XRCC5: variants seen among roughly 807,000 people sequenced by gnomAD.
XRCC5 encodes the protein X-ray repair cross complementing 5.
Under a neutral mutation model 95.7 loss-of-function variants are expected in XRCC5, and 12 were observed. That is an observed-to-expected ratio of 0.13 (90% CI 0.08 to 0.20). The LOEUF is 0.20. Among genes scored for constraint, XRCC5 ranks in the 10% least tolerant of loss-of-function variants. XRCC5 has a pLI of 1.00. For synonymous variants in XRCC5, 281 were observed against 290.3 expected, an observed-to-expected ratio of 0.97 and a Z score of 0.33; for missense variants, 595 against 873.9, an observed-to-expected ratio of 0.68 and a Z score of 4.02.
intron 16 of XRCC5, chr2:216,175,759 C>T: frequency 2.2e-6 from 1 of 452,068 alleles, no homozygotes; most frequent in Non-Finnish European, 4.2e-6. Flanking sequence ...ATTGCTGTGT[C>T]CACCTCTTCA....
intron 19 of XRCC5, among the ~76,000 whole-genome samples, chr2:216,200,996 A>T (rs1559265684): frequency 6.6e-6 from 1 of 152,166 alleles, no homozygotes; most frequent in South Asian, 2.1e-4. Flanking sequence ...ACCATAATGA[A>T]TTTTTTCATA....
intron 1 of XRCC5, among the ~76,000 whole-genome samples, chr2:216,110,131 C>G (rs1696560629): frequency 6.6e-6 from 1 of 152,166 alleles, no homozygotes; most frequent in African/African-American, 2.4e-5. Context: ...TGGTGAAATC[C>G]GGATTTGAAT....
At chr2:216,130,603 T>TG in intron 8 of XRCC5, 1 of 271,716 alleles carries the variant, frequency 3.7e-6, no homozygotes, top group East Asian at 7.1e-5. Context: ...TCTTTTAGGC[T>TG]GGGTAATCAT....
At chr2:216,204,522 G>A in intron 20 of XRCC5, 126 bp downstream of exon 20, 1 of 939,660 alleles carries the variant, frequency 1.1e-6, no homozygotes, top group South Asian at 1.5e-5. Flanking sequence ...TACACCAGAA[G>A]CTTCCTACAC....
intron 13 of XRCC5, among the ~76,000 whole-genome samples, chr2:216,145,362 C>T (rs776466284): frequency 6.6e-6 from 1 of 152,144 alleles, no homozygotes; most frequent in Non-Finnish European, 1.5e-5. Context: ...GAAAATATAT[C>T]TTGTCAAGTA....
rs1689937751 is a variant in XRCC5 at position 216,206,042 on chromosome 2, G to GAC, written c.*840_*841insAC. 1 of 152,122 alleles carries GAC rather than the reference G, an allele frequency of 6.6e-6. No individual in the cohort carries two copies. Among genetic ancestry groups the GAC allele is most frequent in the East Asian group, 1.9e-4 (1 of 5,202 alleles). The allele number at this position is 152,122 out of a possible 1,614,324, so 9.4% of individuals were successfully genotyped here. The stretch of plus-strand genomic sequence containing the variant: ...TATTAAAACACTTAGGTAACTTTTC[G>GAC]GTCTTTCCCATTTCTACCTAAGTCA... On this transcript the variant is annotated 3_prime_UTR_variant, in exon 21 of 21. Coordinates refer to ENST00000392132, the MANE Select transcript of XRCC5 (RefSeq NM_021141.4).
chr2:216,190,318 G>A lies in XRCC5; in HGVS notation c.1928G>A (p.Arg643Gln), dbSNP rs148944487. The change falls in exon 17 of 21, where the codon CGG becomes CAG. Residue 643 changes from arginine (R) to glutamine (Q), a missense_variant. Arg to Gln is a conservative substitution (Grantham distance 43). Coordinates refer to ENST00000392132, the MANE Select transcript of XRCC5 (RefSeq NM_021141.4). ...MKSIDCIRAF[R>Q]EEAIKFSEEQ... ...AGCATAGACTGCATCCGAGCCTTCC[G>A]GGAAGAAGCCATTAAGGTAATGCTA... 3.5e-5 allele frequency: 57 copies of A among 1,613,470 alleles called. No individual in the cohort carries two copies. The highest frequency in any genetic ancestry group is 5.3e-5 in the African/African-American group (4 of 74,888).
chr2:216,170,160 G>C (rs988875948), intron 16 of XRCC5, among the ~76,000 whole-genome samples: 3 of 151,050 alleles, frequency 2.0e-5, no homozygotes, highest in African/African-American at 7.3e-5. Context: ...CATTTCATCA[G>C]TGGGGAGCTT....
intron 19 of XRCC5, among the ~76,000 whole-genome samples, chr2:216,196,797 A>C (rs933721618): frequency 6.6e-6 from 1 of 152,198 alleles, no homozygotes; most frequent in Non-Finnish European, 1.5e-5. Flanking sequence ...CACATCTACA[A>C]AATACCCTCA....
At chr2:216,164,394 G>C (rs1349045069) in intron 16 of XRCC5, among the ~76,000 whole-genome samples, 4 of 152,350 alleles carry the variant, frequency 2.6e-5, no homozygotes, top group Admixed American at 6.5e-5. Context: ...TCAAGGCATT[G>C]TGCTAGCACT....
At chr2:216,192,526 A>G in intron 17 of XRCC5, 113 bp from the exon 18 acceptor site, 2 of 582,180 alleles carry the variant, frequency 3.4e-6, no homozygotes, top group Non-Finnish European at 5.7e-6. Flanking sequence ...AGAACATTTT[A>G]TTTTTTTGTA....
intron 2 of XRCC5, among the ~76,000 whole-genome samples, chr2:216,115,553 G>A (rs1294403556): frequency 6.6e-6 from 1 of 152,180 alleles, no homozygotes; most frequent in Non-Finnish European, 1.5e-5. Context: ...GTTGTTTACA[G>A]ACTAAAGGAT....
chr2:216,204,454 T>A, intron 20 of XRCC5, 58 bp downstream of exon 20: 1 of 1,579,652 alleles, frequency 6.3e-7, no homozygotes, highest in Non-Finnish European at 8.7e-7. Flanking sequence ...GAGCTGTAAA[T>A]ACAGCCACAA....
intron 16 of XRCC5, among the ~76,000 whole-genome samples, chr2:216,166,735 G>T (rs963059669): frequency 6.6e-6 from 1 of 152,290 alleles, no homozygotes; most frequent in East Asian, 1.9e-4. Context: ...ATAGACAGCA[G>T]GTTCAAGAAG....
chr2:216,124,740 T>G (rs1394073547), intron 6 of XRCC5, among the ~76,000 whole-genome samples: 3 of 152,150 alleles, frequency 2.0e-5, no homozygotes, highest in Non-Finnish European at 2.9e-5. Context: ...CTGTTTTTTA[T>G]CTGTACCAAG....
At chr2:216,175,140 G>A in intron 16 of XRCC5, 1 of 339,178 alleles carries the variant, frequency 2.9e-6, no homozygotes, top group Non-Finnish European at 5.8e-6. Context: ...ACCCGCCATT[G>A]TGGTTTTCAT....
chr2:216,122,587 T>C (rs1479949826), intron 6 of XRCC5, among the ~76,000 whole-genome samples: 2 of 147,338 alleles, frequency 1.4e-5, no homozygotes, highest in East Asian at 2.0e-4. Context: ...TTTTGGGCCC[T>C]TTTTTTTTTA....
At chr2:216,120,053 T>G (rs760589903) in intron 5 of XRCC5, among the ~76,000 whole-genome samples, 1 of 152,148 alleles carries the variant, frequency 6.6e-6, no homozygotes, top group Admixed American at 6.6e-5. Context: ...TAAGAACTTG[T>G]TTTGCATGTG....
intron 16 of XRCC5, among the ~76,000 whole-genome samples, chr2:216,186,489 A>T (rs926635506): frequency 2.0e-5 from 3 of 152,228 alleles, no homozygotes; most frequent in African/African-American, 7.2e-5. Flanking sequence ...GGGTGTCAAC[A>T]TCTGTACTCA....
Sources: gnomAD v4.1 joint callset for allele counts (sites outside exome capture counted in the v4.1 genomes callset) on GRCh38, gnomAD v4.1.1 for gene constraint, MANE v1.5 for transcripts, NCBI Gene and HGNC (gene_info 2026-07-23, HGNC 2026-07-21) for gene names.